ARSG: variants seen among roughly 807,000 people sequenced by gnomAD.
ARSG encodes arylsulfatase G.
In ARSG, 37 loss-of-function variants were observed where a neutral mutation model predicts 50.5. The observed-to-expected ratio is 0.73, with a 90% CI of 0.56 to 0.96. The LOEUF is 0.96. ARSG is among the 50% of genes least tolerant of loss of function. ARSG has a pLI of 0.00. For missense variants in ARSG, 629 were observed against 675.3 expected, an observed-to-expected ratio of 0.93 and a Z score of 0.76; for synonymous variants, 225 against 254.6, an observed-to-expected ratio of 0.88 and a Z score of 1.11.
chr17:68,271,024 G>A lies in ARSG; in HGVS notation c.-552+11598G>A, dbSNP rs1555748347. The A allele has an allele frequency of 2.5e-6, 4 of 1,614,138 alleles. No homozygotes were observed. The highest frequency in any genetic ancestry group is 3.4e-6 in the Non-Finnish European group (4 of 1,180,044). On this transcript the variant is annotated intron_variant, in intron 1 of 11. Transcript: ENST00000448504. The surrounding 1 kb of genome is among the most constrained non-coding windows in gnomAD (Gnocchi z 5.3). ...TGACATTAGACCCCAGAATTCAGTA[G>A]CAAAAGTAAAGGCAAACAGAGACAC...
intron 6 of ARSG, among the ~76,000 whole-genome samples, chr17:68,363,707 TC>T (rs1333458581): frequency 1.3e-5 from 2 of 152,024 alleles, no homozygotes; most frequent in African/African-American, 4.8e-5. Context: ...CCTTAGGTGA[TC>T]CAACTGCCTC....
chr17:68,335,123 A>G (rs2146103763), intron 2 of ARSG, among the ~76,000 whole-genome samples: 1 of 152,176 alleles, frequency 6.6e-6, no homozygotes, highest in Admixed American at 6.5e-5. Flanking sequence ...CAGCCCCCCA[A>G]GTAGCTGGGA....
chr17:68,363,716 C>T (rs1267319403), intron 6 of ARSG, among the ~76,000 whole-genome samples: 1 of 152,122 alleles, frequency 6.6e-6, no homozygotes, highest in Admixed American at 6.5e-5. Context: ...ATCCAACTGC[C>T]TCGGCCTCCC....
intron 11 of ARSG, among the ~76,000 whole-genome samples, chr17:68,414,901 G>A (rs375389359): frequency 6.6e-6 from 1 of 151,994 alleles, no homozygotes; most frequent in Admixed American, 6.6e-5. Context: ...TTCTTATTGA[G>A]TTTATTTGGA....
intron 6 of ARSG, among the ~76,000 whole-genome samples, chr17:68,365,387 G>A (rs1370369384): frequency 6.6e-6 from 1 of 152,186 alleles, no homozygotes; most frequent in Non-Finnish European, 1.5e-5. Flanking sequence ...ACTTTGTTGG[G>A]GAGGTCTGAT....
At chr17:68,428,945 C>G in the ARSG span, 12 of 1,605,958 alleles carry the variant, frequency 7.5e-6, no homozygotes, top group Non-Finnish European at 1.0e-5. Flanking sequence ...TCCTAAGGGC[C>G]AAGGAAAACA....
At chr17:68,325,126 G>A (rs888610121) in intron 2 of ARSG, among the ~76,000 whole-genome samples, 1 of 152,166 alleles carries the variant, frequency 6.6e-6, no homozygotes, top group Non-Finnish European at 1.5e-5. Flanking sequence ...AGCGGCATGT[G>A]AGTGAAGCTT....
At chr17:68,341,438 G>A (rs1422598999) in intron 2 of ARSG, among the ~76,000 whole-genome samples, 2 of 152,114 alleles carry the variant, frequency 1.3e-5, no homozygotes, top group East Asian at 3.9e-4. Flanking sequence ...TCTTTTATTA[G>A]CTTCTGGTGT....
At chr17:68,447,519 C>A in the ARSG span, among the ~76,000 whole-genome samples, 1 of 152,082 alleles carries the variant, frequency 6.6e-6, no homozygotes, top group Non-Finnish European at 1.5e-5. Context: ...GTAGCTAGGC[C>A]TACGGGCAAG....
At chr17:68,328,609 CAGCT>C (rs1161296482) in intron 2 of ARSG, among the ~76,000 whole-genome samples, 1 of 152,234 alleles carries the variant, frequency 6.6e-6, no homozygotes. Flanking sequence ...TGTAGCTCCC[CAGCT>C]AGCTCTGTCG....
Position 68,368,551 on chromosome 17 carries a change from C to A in ARSG, c.708C>A (p.Thr236=). ...KATQFIQRAS[T]SGRPFLLYVA... is the part of the protein sequence containing the mutation. ...CCTCTTGGTTCTCCTGTTTCAGCAC[C>A]AGCGGGAGGCCCTTCCTGCTCTATG... Residue 236 remains threonine, a synonymous_variant, in exon 7 of 12, where the codon ACC becomes ACA. Coordinates refer to ENST00000621439, the MANE Select transcript of ARSG (RefSeq NM_001267727.2). The A allele has an allele frequency of 1.9e-6, 3 of 1,613,340 alleles. No homozygotes were observed. The highest frequency in any genetic ancestry group is 2.5e-6 in the Non-Finnish European group (3 of 1,179,882).
chr17:68,302,131 A>G (rs1362815972), intron 1 of ARSG, among the ~76,000 whole-genome samples: 2 of 152,154 alleles, frequency 1.3e-5, no homozygotes, highest in Non-Finnish European at 2.9e-5. Context: ...TGGTGGACAG[A>G]TGACAGAATG....
intron 8 of ARSG, among the ~76,000 whole-genome samples, chr17:68,380,402 G>T (rs879772137): frequency 6.6e-6 from 1 of 151,956 alleles, no homozygotes; most frequent in Non-Finnish European, 1.5e-5. Flanking sequence ...CTCCCAAGTA[G>T]CTGGGACTAC....
the ARSG span, chr17:68,435,629 C>T: frequency 1.1e-4 from 179 of 1,614,124 alleles, no homozygotes; most frequent in Middle Eastern, 1.7e-4. Context: ...CTTTTTCAGA[C>T]GCACTTGCTA....
chr17:68,310,610 C>A (rs1568450460), intron 2 of ARSG, among the ~76,000 whole-genome samples: 1 of 152,204 alleles, frequency 6.6e-6, no homozygotes, highest in Non-Finnish European at 1.5e-5. Context: ...AGCTCGGATT[C>A]TGTCTGCACT....
At chr17:68,403,857 C>T (rs368557456) in intron 11 of ARSG, among the ~76,000 whole-genome samples, 3 of 152,118 alleles carry the variant, frequency 2.0e-5, no homozygotes, top group Admixed American at 6.6e-5. Flanking sequence ...TTCCCTCCCC[C>T]CTCACCCCAC....
At chr17:68,438,001 T>C in the ARSG span, among the ~76,000 whole-genome samples, 1 of 137,644 alleles carries the variant, frequency 7.3e-6, no homozygotes, top group Non-Finnish European at 1.6e-5. Flanking sequence ...CAAGTTAGTA[T>C]ATTAAGTGGG....
Position 68,310,652 on chromosome 17 carries a change from A to G in ARSG, c.218+2941A>G, listed in dbSNP as rs1416476475. On this transcript the variant is annotated intron_variant, in intron 2 of 11. Coordinates refer to ENST00000621439, the MANE Select transcript of ARSG (RefSeq NM_001267727.2). ...AACTCCTCCATGTGGTTCGGGGGGA[A>G]TCATTTCAGCTCACCGCTTAGGATG... Among the ~76,000 whole-genome samples the G allele has an allele frequency of 4.6e-5, 7 of 152,148 alleles. No individual in the cohort carries two copies. In the East Asian group the frequency reaches 9.6e-4, roughly 21 times the overall value.
chr17:68,329,104 G>C (rs1178007654), intron 2 of ARSG, among the ~76,000 whole-genome samples: 1 of 152,200 alleles, frequency 6.6e-6, no homozygotes, highest in African/African-American at 2.4e-5. Flanking sequence ...GGGTCAGGGA[G>C]ACCTCCCCAG....
Sources: allele counts gnomAD v4.1 joint callset (sites outside exome capture counted in the v4.1 genomes callset), GRCh38; gene constraint gnomAD v4.1.1; non-coding constraint Gnocchi (gnomAD v3.1); transcripts MANE v1.5; gene names NCBI Gene and HGNC (gene_info 2026-07-23, HGNC 2026-07-21).